Variants in NPAS3 observed in about 807,000 individuals in gnomAD.
The protein encoded by NPAS3 is neuronal PAS domain-containing protein 3.
In NPAS3, 14 loss-of-function variants were observed where a neutral mutation model predicts 73.1. The ratio of observed to expected loss-of-function variants is 0.19; its 90% confidence interval spans 0.13 to 0.30. The LOEUF is 0.30. Among genes scored for constraint, NPAS3 ranks in the 10% least tolerant of loss-of-function variants. The pLI is 1.00. For synonymous variants in NPAS3, 620 were observed against 541.5 expected, an observed-to-expected ratio of 1.14 and a Z score of -2.01; for missense variants, 1,096 against 1,250.0, an observed-to-expected ratio of 0.88 and a Z score of 1.86.
At chr14:33,513,966 G>A (rs2053182656) in intron 4 of NPAS3, among the ~76,000 whole-genome samples, 1 of 151,998 alleles carries the variant, frequency 6.6e-6, no homozygotes, top group Admixed American at 6.6e-5. Flanking sequence ...ATGTACCCCA[G>A]GCGCAAGAGT....
chr14:33,112,583 T>G (rs2042931237), intron 2 of NPAS3, among the ~76,000 whole-genome samples: 1 of 152,112 alleles, frequency 6.6e-6, no homozygotes, highest in Non-Finnish European at 1.5e-5. Flanking sequence ...GTCAGATGAG[T>G]AGATTGCAAA....
intron 5 of NPAS3, among the ~76,000 whole-genome samples, chr14:33,659,236 G>A (rs2059236552): frequency 6.6e-6 from 1 of 152,082 alleles, no homozygotes; most frequent in Admixed American, 6.6e-5. Flanking sequence ...ATTTAATTTT[G>A]ACCACAGGAA....
chr14:33,059,333 A>G (rs1054536170), intron 2 of NPAS3, among the ~76,000 whole-genome samples: 1 of 152,272 alleles, frequency 6.6e-6, no homozygotes, highest in Non-Finnish European at 1.5e-5. Context: ...AAGCAGGAAT[A>G]TAAAACCTGT....
chr14:33,115,059 A>T (rs937464286), intron 2 of NPAS3, among the ~76,000 whole-genome samples: 1 of 152,096 alleles, frequency 6.6e-6, no homozygotes, highest in Admixed American at 6.6e-5. Context: ...GAATCTCAAG[A>T]ACAAATAATA....
intron 3 of NPAS3, among the ~76,000 whole-genome samples, chr14:33,281,212 T>C (rs538772010): frequency 1.1e-3 from 167 of 152,356 alleles, no homozygotes; most frequent in South Asian, 5.4e-3. Flanking sequence ...AGACCTTCAC[T>C]CGACATCTTG....
At chr14:33,718,459 A>T (rs2061016526) in intron 6 of NPAS3, among the ~76,000 whole-genome samples, 1 of 152,186 alleles carries the variant, frequency 6.6e-6, no homozygotes, top group Non-Finnish European at 1.5e-5. Context: ...TCTTATAGTC[A>T]GGTTCGTGAC....
At chr14:33,600,397 A>G (rs2057365926) in intron 5 of NPAS3, among the ~76,000 whole-genome samples, 1 of 152,166 alleles carries the variant, frequency 6.6e-6, no homozygotes, top group South Asian at 2.1e-4. Context: ...GGATTTTTGT[A>G]GATTCATATT....
At chr14:33,495,616 T>C (rs1045331644) in intron 4 of NPAS3, among the ~76,000 whole-genome samples, 5 of 152,104 alleles carry the variant, frequency 3.3e-5, no homozygotes, top group African/African-American at 1.2e-4. Flanking sequence ...CTAAGTCTCA[T>C]TGTAGGTCTT....
At chr14:33,116,785 A>G (rs1595482243) in intron 2 of NPAS3, among the ~76,000 whole-genome samples, 1 of 151,016 alleles carries the variant, frequency 6.6e-6, no homozygotes, top group South Asian at 2.1e-4. Flanking sequence ...GACCAGACCT[A>G]GAAGCAGCAC....
chr14:33,782,787 A>G (rs2063016424), intron 9 of NPAS3, among the ~76,000 whole-genome samples: 2 of 151,714 alleles, frequency 1.3e-5, no homozygotes, highest in African/African-American at 2.4e-5. Flanking sequence ...GTTAAAAAGC[A>G]TGGCCTATCC....
At chr14:33,474,120 GC>G (rs1243234835) in intron 4 of NPAS3, among the ~76,000 whole-genome samples, 4 of 152,272 alleles carry the variant, frequency 2.6e-5, no homozygotes, top group African/African-American at 9.6e-5. Context: ...GAGGATCAAT[GC>G]AGGGTATTAA....
chr14:33,309,969 T>C (rs892574589), intron 3 of NPAS3, among the ~76,000 whole-genome samples: 2 of 152,114 alleles, frequency 1.3e-5, no homozygotes, highest in African/African-American at 2.4e-5. Flanking sequence ...TGGGTGAGCA[T>C]GGAGAGTCAT....
At chr14:33,152,039 C>T (rs2044465655) in intron 2 of NPAS3, among the ~76,000 whole-genome samples, 4 of 152,026 alleles carry the variant, frequency 2.6e-5, no homozygotes, top group African/African-American at 9.7e-5. Flanking sequence ...TTTTGCCCCT[C>T]CTGAGGACAT....
intron 1 of NPAS3, 66 bp from the exon 2 acceptor site, chr14:33,055,839 A>T: frequency 1.3e-6 from 1 of 748,586 alleles, no homozygotes; most frequent in Admixed American, 2.0e-5. Context: ...CATACTTGTT[A>T]TCCTGCATTC....
intron 2 of NPAS3, among the ~76,000 whole-genome samples, chr14:33,126,378 T>C (rs1054776413): frequency 3.2e-4 from 48 of 152,226 alleles, no homozygotes; most frequent in African/African-American, 1.0e-3. Flanking sequence ...CTAAACTTAG[T>C]GTAGCAGAGG....
chr14:33,471,073 C>T (rs1028738257), intron 4 of NPAS3, among the ~76,000 whole-genome samples: 2 of 152,164 alleles, frequency 1.3e-5, no homozygotes, highest in South Asian at 2.1e-4. Flanking sequence ...GTCTCTTTCA[C>T]GAGAGCTCTG....
chr14:33,213,540 C>T (rs1157184460), intron 2 of NPAS3: 1 of 152,128 alleles, frequency 6.6e-6, no homozygotes, highest in African/African-American at 2.4e-5. Flanking sequence ...AGCTTTCAAC[C>T]AGCTAAAATT....
At chr14:33,160,573 T>C (rs1214383705) in intron 2 of NPAS3, among the ~76,000 whole-genome samples, 1 of 150,618 alleles carries the variant, frequency 6.6e-6, no homozygotes, top group Admixed American at 6.6e-5. Context: ...CACACCAACA[T>C]GGCACATGTA....
intron 7 of NPAS3, among the ~76,000 whole-genome samples, chr14:33,768,289 G>C: frequency 6.6e-6 from 1 of 152,136 alleles, no homozygotes; most frequent in Non-Finnish European, 1.5e-5. Context: ...CATGAGGATC[G>C]AGCTCTTATG....
Sources: gnomAD v4.1 joint callset for allele counts (sites outside exome capture counted in the v4.1 genomes callset) on GRCh38, gnomAD v4.1.1 for gene constraint, MANE v1.5 for transcripts, NCBI Gene and HGNC (gene_info 2026-07-23, HGNC 2026-07-21) for gene names.